AKNA: variants seen among roughly 807,000 people sequenced by gnomAD.
The protein encoded by AKNA is microtubule organization protein AKNA.
AKNA carries 67 observed loss-of-function variants against 138.8 expected under a neutral mutation model. That is an observed-to-expected ratio of 0.48 (90% CI 0.40 to 0.59). The LOEUF (loss-of-function observed/expected upper bound fraction) is 0.59. Among genes scored for constraint, AKNA ranks in the 20% least tolerant of loss-of-function variants. The pLI, the probability that AKNA is intolerant of heterozygous loss-of-function variation, is 0.00. For missense variants in AKNA, 1,813 were observed against 1,880.4 expected (o/e 0.96, Z 0.66); for synonymous variants, 737 against 754.4 (o/e 0.98, Z 0.38).
rs12236160 is a variant in AKNA, at chr9:114,338,901, C to T, written c.4068-1595G>A. On this transcript the variant is annotated intron_variant, in intron 21 of 21. Coordinates refer to ENST00000374088, the MANE Select transcript of AKNA (RefSeq NM_001317950.2). ...TCACACCTGGGCCCGACTCTCCCCACATATCTAATGTGTGCTAATTGGCAA... is the reference window on the plus strand; with the variant it reads ...TCACACCTGGGCCCGACTCTCCCCATATATCTAATGTGTGCTAATTGGCAA... Among the ~76,000 whole-genome samples the T allele has an allele frequency of 2.6e-3, 397 of 152,288 alleles. 6 individuals are homozygous for T. In the East Asian group the frequency reaches 0.054, roughly 21 times the overall value.
chr9:114,364,690 C>G, intron 6 of AKNA, 71 bp from the exon 7 acceptor site: 1 of 1,511,236 alleles, frequency 6.6e-7, no homozygotes, highest in Non-Finnish European at 9.2e-7. Context: ...CCAGCCACAT[C>G]TATGCCTTGG....
In AKNA at chr9:114,347,754, G is replaced by T. The variant is rs768894874; in HGVS notation, c.3368C>A (p.Ser1123Tyr). The change falls in exon 16 of 22, where the codon TCC (serine) becomes TAC (tyrosine). Residue 1123 changes from serine (S) to tyrosine (Y), a missense_variant. Physicochemically the swap from Ser to Tyr is moderately radical, Grantham distance 144. Coordinates refer to ENST00000374088, the MANE Select transcript of AKNA (RefSeq NM_001317950.2). ...PARTRGRPAD[S>Y]PATWGSHYGS... ...ATAATGGGAGCCCCAGGTGGCTGGG[G>T]AGTCTGCTGGCCGGCCGCGGGTCCG... 1.2e-5 allele frequency: 19 copies of T among 1,539,664 alleles called. 1 individual carries two copies. In the East Asian group the frequency reaches 3.5e-4, roughly 28 times the overall value.
At chr9:114,347,684 C>A in intron 16 of AKNA, 40 bp downstream of exon 16, 1 of 1,476,138 alleles carries the variant, frequency 6.8e-7, no homozygotes, top group Non-Finnish European at 9.0e-7. Flanking sequence ...TCTTCTGTAG[C>A]TGCCACCAGG....
chr9:114,346,778 G>A lies in AKNA; in HGVS notation c.3405C>T (p.Ser1135=). ...ATWGSHYGSK[S]TERLPGEPRG... is the part of the protein sequence containing the mutation. Reference sequence around the variant, plus strand: ...TAGGCTCACCAGGCAATCTCTCTGTGGATTTACTAGCAAAAGGAAAGAGAG... The same window carrying A: ...TAGGCTCACCAGGCAATCTCTCTGTAGATTTACTAGCAAAAGGAAAGAGAG... The change falls in exon 17 of 22, where the codon TCC becomes TCT. Residue 1135 remains serine, a synonymous_variant. Transcript: ENST00000374088. The A allele has an allele frequency of 6.2e-7, 1 of 1,610,944 alleles. No individual in the cohort carries two copies. The highest frequency in any genetic ancestry group is 8.5e-7 in the Non-Finnish European group (1 of 1,178,616).
At chr9:114,369,004 A>G (rs1832573717) in intron 4 of AKNA, among the ~76,000 whole-genome samples, 1 of 152,248 alleles carries the variant, frequency 6.6e-6, no homozygotes, top group Non-Finnish European at 1.5e-5. Flanking sequence ...TAATTAATAT[A>G]CCATATAACA....
intron 11 of AKNA, 93 bp downstream of exon 11, chr9:114,359,501 C>A: frequency 6.3e-7 from 1 of 1,597,066 alleles, no homozygotes; most frequent in Non-Finnish European, 8.5e-7. Context: ...CATGTCTAAA[C>A]TGTGAAGCGC....
chr9:114,349,615 G>A (rs1307580108), intron 15 of AKNA, among the ~76,000 whole-genome samples: 1 of 152,124 alleles, frequency 6.6e-6, no homozygotes, highest in Non-Finnish European at 1.5e-5. Flanking sequence ...CCTACGCTAC[G>A]TCCCTGCTTA....
intron 2 of AKNA, among the ~76,000 whole-genome samples, chr9:114,380,508 AG>A (rs1249647245): frequency 1.3e-5 from 2 of 152,212 alleles, no homozygotes; most frequent in African/African-American, 2.4e-5. Context: ...AGTGGTTATC[AG>A]GGGATGGAGT....
downstream of AKNA, chr9:114,331,947 G>C: frequency 6.2e-7 from 1 of 1,609,438 alleles, no homozygotes. Flanking sequence ...CAAGGGATTG[G>C]ACAGTGCCCA....
At position 114,364,629 on chromosome 9, in the gene AKNA, G is replaced by A. The variant is rs982287486; in HGVS notation, c.1729-10C>T. On this transcript the variant is annotated splice_polypyrimidine_tract_variant and intron_variant, in intron 6 of 21. Transcript: ENST00000374088. ...TTTCAAAGGACTCCACCTGGACATT[G>A]GGAGGGGAAGGAAATATGCTCCATT... 1.2e-6 allele frequency: 2 copies of A among 1,613,766 alleles called. No individual in the cohort carries two copies. The highest frequency in any genetic ancestry group is 2.7e-5 in the African/African-American group (2 of 75,006).
chr9:114,389,532 T>G (rs921688494), upstream of AKNA, among the ~76,000 whole-genome samples: 5 of 152,150 alleles, frequency 3.3e-5, no homozygotes, highest in Non-Finnish European at 5.9e-5. Flanking sequence ...AGTTTCTTCA[T>G]CTGTAAAACA....
chr9:114,351,773 G>A (rs150124811), intron 14 of AKNA, among the ~76,000 whole-genome samples: 1 of 152,264 alleles, frequency 6.6e-6, no homozygotes, highest in Non-Finnish European at 1.5e-5. Context: ...CAAGGCTGCA[G>A]TGAGCCATAA....
At chr9:114,394,993 C>T (rs146916826), upstream of AKNA, among the ~76,000 whole-genome samples, 38 of 152,208 alleles carry the variant, frequency 2.5e-4, 1 homozygote, top group East Asian at 7.0e-3. Flanking sequence ...GACCTAGGGG[C>T]TGGTGTGGGA....
chr9:114,377,384 G>A lies in AKNA; in HGVS notation c.423C>T (p.Ser141=), dbSNP rs1833319690. 1.2e-6 allele frequency: 2 copies of A among 1,613,900 alleles called. No homozygotes were observed. Among genetic ancestry groups the A allele is most frequent in the Non-Finnish European group, 1.7e-6 (2 of 1,179,958 alleles). ...GACCAGCCTCATACCCCAACCTTGA[G>A]GAGCTCTCTCCAGCCTCCTCAACCT... The part of the protein sequence containing the change: ...SLEVEEAGES[S]SRLGYEAGLS... Residue 141 remains serine (S), a synonymous_variant, in exon 3 of 22, where the codon TCC becomes TCT. Coordinates refer to ENST00000374088, the MANE Select transcript of AKNA (RefSeq NM_001317950.2).
In AKNA at chr9:114,347,454, G is replaced by T. The variant is rs566360119; in HGVS notation, c.3398+270C>A. Among the ~76,000 whole-genome samples, 14 of 152,242 alleles carry T rather than the reference G, an allele frequency of 9.2e-5. No individual in the cohort carries two copies. The East Asian group carries it at 2.7e-3, about 29-fold the overall frequency. ...AGGCTGGTTTCGAACTCCTGAACTC[G>T]TCATCTTCCCGCCTCGGCCTCCCAA... On this transcript the variant is annotated intron_variant, in intron 16 of 21. Coordinates refer to ENST00000374088, the MANE Select transcript of AKNA (RefSeq NM_001317950.2).
chr9:114,371,509 T>C (rs1832765597), intron 4 of AKNA, among the ~76,000 whole-genome samples: 1 of 152,226 alleles, frequency 6.6e-6, no homozygotes, highest in East Asian at 1.9e-4. Context: ...TACCCAGGCA[T>C]GAGGAAAGAA....
At chr9:114,330,542 G>A (rs1829834006), downstream of AKNA, 1 of 1,612,726 alleles carries the variant, frequency 6.2e-7, no homozygotes, top group Admixed American at 1.7e-5. Flanking sequence ...CAACAAGACA[G>A]AGGACACGAT....
At chr9:114,365,829 C>T (rs577434863) in intron 6 of AKNA, among the ~76,000 whole-genome samples, 6 of 152,230 alleles carry the variant, frequency 3.9e-5, no homozygotes, top group African/African-American at 1.2e-4. Flanking sequence ...AAGTACTCAA[C>T]AGTCACATGT....
intron 4 of AKNA, among the ~76,000 whole-genome samples, chr9:114,371,165 C>A (rs1048407843): frequency 1.3e-5 from 2 of 152,210 alleles, no homozygotes; most frequent in South Asian, 4.1e-4. Context: ...CCTGCCCCAA[C>A]CCCAAGGCTC....
Sources: allele counts gnomAD v4.1 joint callset (sites outside exome capture counted in the v4.1 genomes callset), GRCh38; gene constraint gnomAD v4.1.1; transcripts MANE v1.5; gene names NCBI Gene and HGNC (gene_info 2026-07-23, HGNC 2026-07-21).